NKAIN2: variants seen among roughly 807,000 people sequenced by gnomAD.
The protein encoded by NKAIN2 is sodium/potassium-transporting ATPase subunit beta-1-interacting protein 2.
A neutral mutation model predicts 32.6 loss-of-function variants in NKAIN2; 14 were observed. The observed-to-expected ratio is 0.43, with a 90% CI of 0.28 to 0.67. The LOEUF is 0.67. NKAIN2 is among the 30% of genes least tolerant of loss of function. The pLI is 0.17. For synonymous variants in NKAIN2, 80 were observed against 87.2 expected, an observed-to-expected ratio of 0.92 and a Z score of 0.46; for missense variants, 198 against 258.3, an observed-to-expected ratio of 0.77 and a Z score of 1.60.
At chr6:123,846,329 T>G (rs1041045253) in intron 1 of NKAIN2, among the ~76,000 whole-genome samples, 1 of 152,202 alleles carries the variant, frequency 6.6e-6, no homozygotes, top group African/African-American at 2.4e-5. Context: ...CCAAATAGGT[T>G]GTGCTTTTGC....
chr6:123,981,972 A>G (rs1042949293), intron 1 of NKAIN2, among the ~76,000 whole-genome samples: 1 of 152,144 alleles, frequency 6.6e-6, no homozygotes, highest in Non-Finnish European at 1.5e-5. Context: ...GAGCACTGCA[A>G]TTTTGTGTCC....
At chr6:124,484,201 C>A (rs1186020415) in intron 3 of NKAIN2, among the ~76,000 whole-genome samples, 3 of 152,188 alleles carry the variant, frequency 2.0e-5, no homozygotes, top group Admixed American at 2.0e-4. Context: ...TCAGAGAACT[C>A]TACATGTCCT....
intron 3 of NKAIN2, among the ~76,000 whole-genome samples, chr6:124,572,416 A>C (rs1211669309): frequency 1.3e-5 from 2 of 152,234 alleles, no homozygotes; most frequent in Admixed American, 6.5e-5. Context: ...AATGAACCAT[A>C]ACTGAGCAAA....
chr6:123,927,904 C>G (rs1471532532), intron 1 of NKAIN2, among the ~76,000 whole-genome samples: 1 of 152,058 alleles, frequency 6.6e-6, no homozygotes, highest in East Asian at 1.9e-4. Context: ...ATGTCCTGGT[C>G]AGATCTACCT....
intron 3 of NKAIN2, among the ~76,000 whole-genome samples, chr6:124,435,307 G>C (rs1029890358): frequency 1.3e-5 from 2 of 152,088 alleles, no homozygotes; most frequent in African/African-American, 4.8e-5. Context: ...TGGAGCAGAA[G>C]ACTTCAAAGC....
intron 3 of NKAIN2, among the ~76,000 whole-genome samples, chr6:124,446,850 A>G (rs756164235): frequency 5.9e-5 from 9 of 152,104 alleles, no homozygotes; most frequent in Non-Finnish European, 8.8e-5. Context: ...TTCTGTCCAC[A>G]AGGGGACATT....
At chr6:124,658,757 C>G (rs151182907) in intron 4 of NKAIN2, 197 of 352,242 alleles carry the variant, frequency 5.6e-4, no homozygotes, top group African/African-American at 3.7e-3. Flanking sequence ...AGTGTTTTCT[C>G]TTTTAGTGCT....
chr6:123,865,187 A>G (rs537141831), intron 1 of NKAIN2, among the ~76,000 whole-genome samples: 32 of 152,212 alleles, frequency 2.1e-4, no homozygotes, highest in African/African-American at 7.5e-4. Context: ...TAATATATAA[A>G]AAGCCTATTG....
intron 2 of NKAIN2, among the ~76,000 whole-genome samples, chr6:124,322,458 A>G (rs1444125746): frequency 5.3e-5 from 8 of 152,162 alleles, no homozygotes; most frequent in Non-Finnish European, 7.4e-5. Flanking sequence ...GTGTAGTTCT[A>G]TGCCATTTTA....
chr6:124,216,038 A>C (rs1429601750), intron 1 of NKAIN2, among the ~76,000 whole-genome samples: 1 of 151,612 alleles, frequency 6.6e-6, no homozygotes, highest in Non-Finnish European at 1.5e-5. Context: ...GAATTACTTG[A>C]ACCCGGGAGG....
At chr6:124,064,339 A>G (rs1783060029) in intron 1 of NKAIN2, among the ~76,000 whole-genome samples, 1 of 152,208 alleles carries the variant, frequency 6.6e-6, no homozygotes, top group Admixed American at 6.5e-5. Context: ...TTTGCTAAAA[A>G]AATGTGAAAT....
chr6:124,006,973 A>C (rs1780103780), intron 1 of NKAIN2, among the ~76,000 whole-genome samples: 1 of 152,220 alleles, frequency 6.6e-6, no homozygotes, highest in Non-Finnish European at 1.5e-5. Context: ...ACATTACTTA[A>C]GGACAGGAGT....
intron 1 of NKAIN2, among the ~76,000 whole-genome samples, chr6:124,132,925 G>A (rs1369075477): frequency 6.6e-6 from 1 of 152,170 alleles, no homozygotes; most frequent in African/African-American, 2.4e-5. Flanking sequence ...ACCACATCAA[G>A]GTATCACACC....
chr6:124,081,593 A>C (rs1783970130), intron 1 of NKAIN2, among the ~76,000 whole-genome samples: 1 of 152,096 alleles, frequency 6.6e-6, no homozygotes, highest in South Asian at 2.1e-4. Context: ...AAGAGGAGAA[A>C]AACACTTGCT....
intron 1 of NKAIN2, among the ~76,000 whole-genome samples, chr6:124,122,861 A>G (rs1167993095): frequency 6.6e-6 from 1 of 151,988 alleles, no homozygotes. Context: ...CATGTTAAAA[A>G]ACAACAACAA....
At chr6:124,466,678 G>A (rs1776770056) in intron 3 of NKAIN2, among the ~76,000 whole-genome samples, 1 of 151,202 alleles carries the variant, frequency 6.6e-6, no homozygotes, top group African/African-American at 2.4e-5. Flanking sequence ...ATCACTGCAG[G>A]CATCCTGTAA....
chr6:124,406,760 G>A (rs1773877099), intron 3 of NKAIN2, among the ~76,000 whole-genome samples: 1 of 151,932 alleles, frequency 6.6e-6, no homozygotes, highest in Non-Finnish European at 1.5e-5. Context: ...TTTTTTATTT[G>A]AGTTATTTCA....
At chr6:124,499,312 G>C (rs1778194473) in intron 3 of NKAIN2, among the ~76,000 whole-genome samples, 1 of 152,084 alleles carries the variant, frequency 6.6e-6, no homozygotes, top group African/African-American at 2.4e-5. Context: ...CCTACAGCCT[G>C]TGCACAGTTA....
intron 1 of NKAIN2, among the ~76,000 whole-genome samples, chr6:124,204,992 AAAAG>A (rs1790787266): frequency 6.6e-6 from 1 of 151,696 alleles, no homozygotes; most frequent in Non-Finnish European, 1.5e-5. Flanking sequence ...AAGCAAAAAA[AAAAG>A]CCTATATATC....
Sources: gnomAD v4.1 joint callset for allele counts (sites outside exome capture counted in the v4.1 genomes callset) on GRCh38, gnomAD v4.1.1 for gene constraint, MANE v1.5 for transcripts, NCBI Gene and HGNC (gene_info 2026-07-23, HGNC 2026-07-21) for gene names.